Variants in CHN1 observed in about 807,000 individuals in gnomAD.
CHN1 encodes the protein N-chimaerin.
In CHN1, 37 loss-of-function variants were observed where a neutral mutation model predicts 59.5. That is an observed-to-expected ratio of 0.62 (90% CI 0.48 to 0.82). The LOEUF (loss-of-function observed/expected upper bound fraction) is 0.82, where lower values mean the gene tolerates loss of function less well. Among genes scored for constraint, CHN1 ranks in the 40% least tolerant of loss-of-function variants. CHN1 has a pLI of 0.00. For missense variants in CHN1, 469 were observed against 571.0 expected (o/e 0.82, Z 1.82); for synonymous variants, 206 against 200.4 (o/e 1.03, Z -0.24).
intron 1 of CHN1, among the ~76,000 whole-genome samples, chr2:174,955,061 G>A (rs1345920800): frequency 1.3e-5 from 2 of 150,538 alleles, no homozygotes; most frequent in African/African-American, 4.9e-5. Flanking sequence ...ATCAACAAGT[G>A]GATAAAGAAA....
At chr2:174,843,329 T>C (rs894631466) in intron 7 of CHN1, among the ~76,000 whole-genome samples, 9 of 152,086 alleles carry the variant, frequency 5.9e-5, no homozygotes, top group Admixed American at 2.0e-4. Flanking sequence ...AACCTCTGCC[T>C]CCTGGGTTCA....
intron 6 of CHN1, chr2:174,847,765 G>C (rs1405171638): frequency 2.6e-6 from 1 of 384,300 alleles, no homozygotes; most frequent in Admixed American, 3.7e-5. Context: ...TTTCTTGCTG[G>C]CTCAAGGCAA....
chr2:174,963,959 A>T (rs1211255997), intron 1 of CHN1, among the ~76,000 whole-genome samples: 1 of 152,244 alleles, frequency 6.6e-6, no homozygotes, highest in Admixed American at 6.5e-5. Flanking sequence ...AACATAAACA[A>T]ATCCATGAAA....
At chr2:174,911,357 T>G (rs1475214299) in intron 5 of CHN1, among the ~76,000 whole-genome samples, 1 of 152,208 alleles carries the variant, frequency 6.6e-6, no homozygotes, top group Non-Finnish European at 1.5e-5. Flanking sequence ...AAAATCAGCA[T>G]ACAGAAAATC....
intron 6 of CHN1, chr2:174,875,977 C>G (rs1687551874): frequency 4.0e-6 from 1 of 252,090 alleles, no homozygotes; most frequent in Non-Finnish European, 6.3e-6. Flanking sequence ...TAATTATGTA[C>G]TGCCGCAGAG....
intron 6 of CHN1, among the ~76,000 whole-genome samples, chr2:174,870,434 G>A (rs575864788): frequency 6.6e-6 from 1 of 152,286 alleles, no homozygotes; most frequent in South Asian, 2.1e-4. Flanking sequence ...CATGGCTATT[G>A]TTTTCCAATC....
At chr2:174,847,010 G>A in intron 6 of CHN1, 53 bp from the exon 7 acceptor site, 1 of 1,551,614 alleles carries the variant, frequency 6.4e-7, no homozygotes, top group Middle Eastern at 1.7e-4. Context: ...AGACGACTTT[G>A]GAGAACCCAG....
At chr2:174,918,692 A>C in intron 3 of CHN1, 127 bp from the exon 4 acceptor site, 1 of 696,440 alleles carries the variant, frequency 1.4e-6, no homozygotes. Flanking sequence ...CAGAGTATGG[A>C]GTCCCAGTTC....
At chr2:174,914,916 T>G in intron 5 of CHN1, 142 bp downstream of exon 5, 1 of 490,178 alleles carries the variant, frequency 2.0e-6, no homozygotes. Flanking sequence ...TTTTAAAGGG[T>G]CTCAAAGCTA....
At chr2:174,979,509 A>G (rs537697100) in intron 1 of CHN1, among the ~76,000 whole-genome samples, 1 of 152,168 alleles carries the variant, frequency 6.6e-6, no homozygotes, top group Non-Finnish European at 1.5e-5. Flanking sequence ...AAGGGGTACA[A>G]GGCAATATTT....
intron 5 of CHN1, among the ~76,000 whole-genome samples, chr2:174,892,114 C>G (rs1451712013): frequency 6.6e-6 from 1 of 152,090 alleles, no homozygotes; most frequent in Admixed American, 6.6e-5. Flanking sequence ...CAACAGCTTC[C>G]CAATAAAGAA....
At chr2:174,800,893 C>T (rs905536897) in intron 12 of CHN1, among the ~76,000 whole-genome samples, 10 of 152,136 alleles carry the variant, frequency 6.6e-5, no homozygotes, top group African/African-American at 2.2e-4. Context: ...AGTTTATAAG[C>T]GAAGTTGTAA....
At chr2:174,947,458 ATC>A (rs1689875283) in intron 2 of CHN1, among the ~76,000 whole-genome samples, 1 of 151,162 alleles carries the variant, frequency 6.6e-6, no homozygotes, top group Non-Finnish European at 1.5e-5. Flanking sequence ...CTAACAGTTA[ATC>A]TATCTTTAAG....
intron 8 of CHN1, among the ~76,000 whole-genome samples, chr2:174,822,059 CT>C (rs923016742): frequency 6.6e-6 from 1 of 152,210 alleles, no homozygotes; most frequent in African/African-American, 2.4e-5. Context: ...CTCAAAGCCA[CT>C]TCAGACCTAA....
At chr2:174,947,331 T>G (rs1205525518) in intron 2 of CHN1, among the ~76,000 whole-genome samples, 1 of 152,214 alleles carries the variant, frequency 6.6e-6, no homozygotes, top group East Asian at 1.9e-4. Flanking sequence ...TTAAGTCACA[T>G]AAGGTTATTT....
chr2:174,811,456 C>A, intron 10 of CHN1, 55 bp downstream of exon 10: 1 of 1,232,304 alleles, frequency 8.1e-7, no homozygotes, highest in South Asian at 1.4e-5. Flanking sequence ...GAAATTGTGC[C>A]TTTTTAGAAA....
At chr2:174,914,098 T>A (rs1688770855) in intron 5 of CHN1, among the ~76,000 whole-genome samples, 2 of 152,234 alleles carry the variant, frequency 1.3e-5, no homozygotes, top group Non-Finnish European at 2.9e-5. Flanking sequence ...TGTGTGACCT[T>A]CATCAAGTTA....
At chr2:174,943,830 T>G (rs1346318904) in intron 3 of CHN1, among the ~76,000 whole-genome samples, 1 of 152,052 alleles carries the variant, frequency 6.6e-6, no homozygotes, top group Non-Finnish European at 1.5e-5. Flanking sequence ...AATATACTTT[T>G]CCTTTTTGTG....
intron 5 of CHN1, among the ~76,000 whole-genome samples, chr2:174,900,576 C>G (rs1032721969): frequency 1.3e-5 from 2 of 152,154 alleles, no homozygotes; most frequent in African/African-American, 4.8e-5. Context: ...GAGGCCAAGG[C>G]GGGTGGATCA....
Sources: allele counts gnomAD v4.1 joint callset (sites outside exome capture counted in the v4.1 genomes callset), GRCh38; gene constraint gnomAD v4.1.1; transcripts MANE v1.5; gene names NCBI Gene and HGNC (gene_info 2026-07-23, HGNC 2026-07-21).